ALDH1A1: variants seen among roughly 807,000 people sequenced by gnomAD.
ALDH1A1 encodes the protein aldehyde dehydrogenase 1A1.
ALDH1A1 carries 19 observed loss-of-function variants against 62.1 expected under a neutral mutation model. The observed-to-expected ratio is 0.31, with a 90% CI of 0.21 to 0.45. The LOEUF (loss-of-function observed/expected upper bound fraction) is 0.45, where lower values mean the gene tolerates loss of function less well. Among genes scored for constraint, ALDH1A1 ranks in the 20% least tolerant of loss-of-function variants. ALDH1A1 has a pLI of 1.00. For missense variants in ALDH1A1, 521 were observed against 607.1 expected (o/e 0.86, Z 1.49); for synonymous variants, 231 against 215.9 (o/e 1.07, Z -0.61).
At chr9:72,905,076 T>C (rs548058829) in intron 12 of ALDH1A1, among the ~76,000 whole-genome samples, 2 of 152,304 alleles carry the variant, frequency 1.3e-5, no homozygotes, top group East Asian at 1.9e-4. Context: ...AACCATTTAA[T>C]ACATTTAGAG....
At chr9:72,932,001 C>T (rs541581019) in intron 2 of ALDH1A1, among the ~76,000 whole-genome samples, 1 of 152,308 alleles carries the variant, frequency 6.6e-6, no homozygotes, top group Non-Finnish European at 1.5e-5. Context: ...TTGCAATTCA[C>T]CTCAGTTACA....
intron 12 of ALDH1A1, among the ~76,000 whole-genome samples, chr9:72,903,573 C>A (rs1055208924): frequency 6.6e-6 from 1 of 151,292 alleles, no homozygotes; most frequent in Non-Finnish European, 1.5e-5. Context: ...TTCAGGTACA[C>A]TTTAACTGTA....
intron 2 of ALDH1A1, among the ~76,000 whole-genome samples, chr9:72,933,257 C>T (rs1432298787): frequency 6.6e-6 from 1 of 152,174 alleles, no homozygotes; most frequent in East Asian, 1.9e-4. Context: ...CTGCAGCATT[C>T]TCATCATCCC....
chr9:72,909,605 A>G lies in ALDH1A1; in HGVS notation c.1355T>C (p.Val452Ala), dbSNP rs1485951679. 1.2e-6 allele frequency: 2 copies of G among 1,610,970 alleles called. No individual in the cohort carries two copies. Among genetic ancestry groups the G allele is most frequent in the Admixed American group, 1.7e-5 (1 of 59,466 alleles). The change falls in exon 11 of 13, where the codon GTG becomes GCG. Residue 452 changes from valine to alanine, a missense_variant. Val to Ala is a moderately conservative substitution (Grantham distance 64). Transcript: ENST00000297785. ...TISSALQAGTVWVNCYGVVSA... is the reference protein window; with the variant it reads ...TISSALQAGTAWVNCYGVVSA... ...ACATTCCTTAGGTTGGACTTACCAC[A>G]CTGTTCCTGCCTGCAGAGCAGAGGA...
chr9:72,928,111 TA>T (rs1470884343), intron 4 of ALDH1A1, among the ~76,000 whole-genome samples: 1 of 98,972 alleles, frequency 1.0e-5, no homozygotes, highest in Admixed American at 1.1e-4. Flanking sequence ...AACTTTCTGC[TA>T]TCACTTCTGA....
intron 1 of ALDH1A1, chr9:72,942,402 TC>T: frequency 1.0e-6 from 1 of 981,658 alleles, no homozygotes; most frequent in Non-Finnish European, 1.2e-6. Context: ...TCACACACTT[TC>T]CTTCTTCTGT....
intron 1 of ALDH1A1, among the ~76,000 whole-genome samples, chr9:72,941,866 A>C (rs894526605): frequency 6.6e-6 from 1 of 152,194 alleles, no homozygotes; most frequent in African/African-American, 2.4e-5. Context: ...AAGGAATTGT[A>C]GTACTAGCCT....
chr9:72,943,485 A>G (rs1347643147), intron 1 of ALDH1A1, among the ~76,000 whole-genome samples: 1 of 152,202 alleles, frequency 6.6e-6, no homozygotes, highest in Non-Finnish European at 1.5e-5. Flanking sequence ...AATGAGCATT[A>G]ACCTGAAGTA....
chr9:72,945,946 T>C (rs1830468473), intron 1 of ALDH1A1, among the ~76,000 whole-genome samples: 1 of 152,072 alleles, frequency 6.6e-6, no homozygotes, highest in Non-Finnish European at 1.5e-5. Context: ...AATGATAGTC[T>C]GACTTTAGTA....
At chr9:72,943,371 G>C (rs978331551) in intron 1 of ALDH1A1, among the ~76,000 whole-genome samples, 1 of 151,986 alleles carries the variant, frequency 6.6e-6, no homozygotes, top group Non-Finnish European at 1.5e-5. Flanking sequence ...TTTTGTAAAA[G>C]AATTATTACA....
chr9:72,910,664 A>T (rs1321656618), intron 10 of ALDH1A1, among the ~76,000 whole-genome samples: 1 of 152,172 alleles, frequency 6.6e-6, no homozygotes, highest in Non-Finnish European at 1.5e-5. Context: ...TTAAGATCAG[A>T]TAAAGATTCC....
At chr9:72,914,853 C>A (rs563548724) in intron 9 of ALDH1A1, among the ~76,000 whole-genome samples, 3 of 151,866 alleles carry the variant, frequency 2.0e-5, no homozygotes, top group South Asian at 2.1e-4. Context: ...TTTTCTATAA[C>A]CTTTTTGATG....
intron 12 of ALDH1A1, among the ~76,000 whole-genome samples, chr9:72,905,069 C>G (rs1829858930): frequency 6.6e-6 from 1 of 152,070 alleles, no homozygotes; most frequent in Admixed American, 6.6e-5. Flanking sequence ...GGTACTCAAC[C>G]ATTTAATACA....
At chr9:72,921,108 G>A (rs901434889) in intron 7 of ALDH1A1, among the ~76,000 whole-genome samples, 1 of 152,040 alleles carries the variant, frequency 6.6e-6, no homozygotes, top group Non-Finnish European at 1.5e-5. Context: ...TTAGCTGGGC[G>A]TGGTGGTGGG....
intron 2 of ALDH1A1, among the ~76,000 whole-genome samples, chr9:72,932,537 C>A (rs1307091172): frequency 1.3e-5 from 2 of 152,124 alleles, no homozygotes; most frequent in Non-Finnish European, 2.9e-5. Context: ...AGCAAAGATT[C>A]TTTCAGTGTA....
At chr9:72,934,151 G>T (rs1167310282) in intron 2 of ALDH1A1, among the ~76,000 whole-genome samples, 1 of 152,052 alleles carries the variant, frequency 6.6e-6, no homozygotes, top group Non-Finnish European at 1.5e-5. Context: ...AAAATTCCTG[G>T]GTTCAAGCAA....
Position 72,918,726 on chromosome 9 carries a change from C to T in ALDH1A1, c.844G>A (p.Ala282Thr). 6.3e-7 allele frequency: 1 copy of T among 1,598,966 alleles called. No homozygotes were observed. Among genetic ancestry groups the T allele is most frequent in the Non-Finnish European group, 8.5e-7 (1 of 1,173,540 alleles). The change falls in exon 8 of 13, where the codon GCC becomes ACC. Residue 282 changes from alanine to threonine, a missense_variant. Physicochemically the swap from Ala to Thr is moderately conservative, Grantham distance 58 (BLOSUM62 0). Transcript: ENST00000297785. ...GKSPCIVLAD[A>T]DLDNAVEFAH... ...CAAAGTGGTTTCTACTCACAGTCGGCATCAGCTAACACAATGCAAGGGCTC... is the reference window on the plus strand; with the variant it reads ...CAAAGTGGTTTCTACTCACAGTCGGTATCAGCTAACACAATGCAAGGGCTC...
intron 7 of ALDH1A1, among the ~76,000 whole-genome samples, chr9:72,921,018 C>G (rs7470175): frequency 2.0e-5 from 3 of 152,092 alleles, no homozygotes; most frequent in African/African-American, 4.8e-5. Context: ...GAGGCTGAGG[C>G]GGGCAGATCA....
intron 11 of ALDH1A1, among the ~76,000 whole-genome samples, chr9:72,907,987 G>C (rs911218267): frequency 9.2e-5 from 14 of 152,224 alleles, no homozygotes; most frequent in Admixed American, 9.1e-4. Flanking sequence ...ATGGGCTTTG[G>C]AGGAGAAATT....
Sources: allele counts gnomAD v4.1 joint callset (sites outside exome capture counted in the v4.1 genomes callset), GRCh38; gene constraint gnomAD v4.1.1; transcripts MANE v1.5; gene names NCBI Gene and HGNC (gene_info 2026-07-23, HGNC 2026-07-21).